MINPP1: variants seen among roughly 807,000 people sequenced by gnomAD.
MINPP1 encodes the protein multiple inositol-polyphosphate phosphatase 1, also known as multiple inositol polyphosphate phosphatase 1.
MINPP1 carries 28 observed loss-of-function variants against 46.1 expected under a neutral mutation model. The observed-to-expected ratio is 0.61, with a 90% CI of 0.45 to 0.83. MINPP1 has a LOEUF of 0.83. Ranked by LOEUF, MINPP1 falls within the 40% of genes least tolerant of loss-of-function variation. The probability of loss-of-function intolerance (pLI) is 0.00; values close to 1 mark genes in which losing one functional copy is unlikely to be tolerated. For synonymous variants in MINPP1, 268 were observed against 249.1 expected (o/e 1.08, Z -0.72); for missense variants, 603 against 610.0 (o/e 0.99, Z 0.12).
At chr10:87,520,056 T>TGTGTGTGTG (rs762881110) in intron 3 of MINPP1, among the ~76,000 whole-genome samples, 7 of 37,796 alleles carry the variant, frequency 1.9e-4, no homozygotes, top group African/African-American at 1.4e-3. Flanking sequence ...ATAAAAGGTA[T>TGTGTGTGTG]AGTGTGTGTG....
In MINPP1 at chr10:87,539,307, T is replaced by C. The variant is rs556087677; in HGVS notation, c.1068-12775T>C. 5.3e-5 allele frequency among the ~76,000 whole-genome samples: 8 copies of C among 152,326 alleles called. No individual in the cohort carries two copies. The East Asian group carries it at 1.5e-3, about 29-fold the overall frequency. ...AGTGGTTTTGTCACTTTTTGGAAAA[T>C]GCAACATTCCAAGTTTAATGCATTT... On this transcript the variant is annotated intron_variant, in intron 4 of 4. Transcript: ENST00000371996.
At chr10:87,513,079 G>T (rs766448915) in intron 2 of MINPP1, 45 bp from the exon 3 acceptor site, 2 of 1,404,060 alleles carry the variant, frequency 1.4e-6, no homozygotes. Context: ...TTGAAAAATT[G>T]CAGAAAATAA....
At chr10:87,524,915 A>G (rs1255429458) in intron 4 of MINPP1, among the ~76,000 whole-genome samples, 1 of 152,180 alleles carries the variant, frequency 6.6e-6, no homozygotes, top group Admixed American at 6.5e-5. Context: ...TAATAATCAT[A>G]GTAATAATTA....
intron 4 of MINPP1, among the ~76,000 whole-genome samples, chr10:87,543,652 C>T (rs1190828575): frequency 6.6e-6 from 1 of 152,084 alleles, no homozygotes; most frequent in Non-Finnish European, 1.5e-5. Context: ...GATTATAAGA[C>T]ATATTAAAAG....
At chr10:87,521,390 TG>T (rs1851499295) in intron 4 of MINPP1, among the ~76,000 whole-genome samples, 2 of 152,214 alleles carry the variant, frequency 1.3e-5, no homozygotes, top group Admixed American at 1.3e-4. Flanking sequence ...AAATTGCATT[TG>T]TTTACTTATG....
In MINPP1 at chr10:87,507,782, A is replaced by G. The variant is rs892590680; in HGVS notation, c.638-554A>G. ...ATCTGGGGCTTCAGTTAAAAGATAA[A>G]CCAATTCACAGGCCCAGCACAGTGA... On this transcript the variant is annotated intron_variant, in intron 1 of 4. Transcript: ENST00000371996. 9.3e-6 allele frequency: 9 copies of G among 971,622 alleles called. No individual in the cohort carries two copies. The African/African-American group carries it at 1.4e-4, about 15-fold the overall frequency. 60.2% of individuals were successfully genotyped at this position (971,622 alleles called of 1,614,324 possible). A position where few individuals can be genotyped will look rare whatever the true frequency, so the allele number is the denominator to read the frequency against.
rs1427799036 is a variant in MINPP1, at chr10:87,505,541, C to T, written c.626C>T (p.Pro209Leu). Residue 209 changes from proline (P) to leucine (L), a missense_variant, in exon 1 of 5, where the codon CCG becomes CTG. Pro to Leu is a moderately conservative substitution (Grantham distance 98). Around this residue, in one of 3 missense-constraint regions of MINPP1, gnomAD observed 344 missense variants for 381.1 expected, o/e 0.90. Coordinates refer to ENST00000371996, the MANE Select transcript of MINPP1 (RefSeq NM_004897.5). The surrounding 1 kb of genome is among the most constrained non-coding windows in gnomAD (Gnocchi z 4.4). Reference protein sequence around the residue: ...WQHYHPGLPPPDVADMEFGPP... With the variant: ...WQHYHPGLPPLDVADMEFGPP... ...CACTACCACCCTGGCTTGCCGCCGC[C>T]GGACGTCGCAGGTGACCCCCCGGGC... 1.2e-6 allele frequency: 2 copies of T among 1,606,582 alleles called. No individual in the cohort carries two copies. Among genetic ancestry groups the T allele is most frequent in the South Asian group, 1.1e-5 (1 of 90,570 alleles).
intron 4 of MINPP1, among the ~76,000 whole-genome samples, chr10:87,544,532 C>T (rs188065637): frequency 7.2e-4 from 110 of 152,282 alleles, no homozygotes; most frequent in Admixed American, 3.6e-3. Context: ...ATGCCTTTGC[C>T]TTTTTGCTGA....
In MINPP1 at chr10:87,546,167, G is replaced by A. The variant is rs181211678; in HGVS notation, c.1068-5915G>A. Among the ~76,000 whole-genome samples the A allele has an allele frequency of 1.4e-3, 218 of 152,290 alleles. 1 individual carries two copies. The highest frequency in any genetic ancestry group is 5.1e-3 in the African/African-American group (211 of 41,554). ...TAATAAATAATAGCATAAATTAATC[G>A]TATGCTAAACAAGGAGTGGATTATT... On this transcript the variant is annotated intron_variant, in intron 4 of 4. Coordinates refer to ENST00000371996, the MANE Select transcript of MINPP1 (RefSeq NM_004897.5).
At chr10:87,551,194 T>TG (rs933423042) in intron 4 of MINPP1, among the ~76,000 whole-genome samples, 17 of 151,970 alleles carry the variant, frequency 1.1e-4, no homozygotes, top group Admixed American at 2.0e-4. Flanking sequence ...TTGTGTGTGT[T>TG]GGGGGCAGAG....
intron 4 of MINPP1, among the ~76,000 whole-genome samples, chr10:87,522,625 T>C (rs1324584035): frequency 6.6e-6 from 1 of 152,210 alleles, no homozygotes; most frequent in East Asian, 1.9e-4. Context: ...TACTAGGAAA[T>C]GCCCATGATC....
At chr10:87,520,539 T>C (rs191386176) in intron 3 of MINPP1, among the ~76,000 whole-genome samples, 1 of 152,166 alleles carries the variant, frequency 6.6e-6, no homozygotes. Context: ...AGTAACTCAT[T>C]TTCTATTTGA....
intron 3 of MINPP1, among the ~76,000 whole-genome samples, chr10:87,518,787 TAAAGGATGTTAC>T (rs1443176284): frequency 6.6e-6 from 1 of 152,190 alleles, no homozygotes; most frequent in East Asian, 1.9e-4. Context: ...TGGTTTATTA[TAAAGGATGTTAC>T]AAAGGATACA....
rs780770929 is a variant in MINPP1 at position 87,508,339 on chromosome 10, T to G, written c.641T>G (p.Met214Arg). 2 of 1,613,098 alleles carry G rather than the reference T, an allele frequency of 1.2e-6. No homozygotes were observed. Among genetic ancestry groups the G allele is most frequent in the Non-Finnish European group, 8.5e-7 (1 of 1,179,588 alleles). The change falls in exon 2 of 5, where the codon ATG becomes AGG. Residue 214 changes from methionine (M) to arginine (R), a missense_variant. Physicochemically the swap from Met to Arg is moderately conservative, Grantham distance 91. Coordinates refer to ENST00000371996, the MANE Select transcript of MINPP1 (RefSeq NM_004897.5). ...TATAAATTTTTTTCTCTTTCAGATA[T>G]GGAGTTTGGACCTCCAACAGTTAAT... ...PGLPPPDVAD[M>R]EFGPPTVNDK...
At position 87,505,849 on chromosome 10, in the gene MINPP1, C is replaced by G. The variant is rs1851240307; in HGVS notation, c.637+297C>G. ...CAACAGGAAAGGGGACAGACGAGGT[C>G]TCCCGCAATTTTTGCGCTCCCGTTC... On this transcript the variant is annotated intron_variant, in intron 1 of 4. Coordinates refer to ENST00000371996, the MANE Select transcript of MINPP1 (RefSeq NM_004897.5). This position sits in a 1 kb window ranked among gnomAD's most constrained non-coding sequence, Gnocchi z 4.4. 6.6e-6 allele frequency among the ~76,000 whole-genome samples: 1 copy of G among 152,162 alleles called. No homozygotes were observed. Among genetic ancestry groups the G allele is most frequent in the Non-Finnish European group, 1.5e-5 (1 of 68,024 alleles).
In MINPP1 at chr10:87,521,182, TA is replaced by T; in HGVS notation, c.1067+19del. On this transcript the variant is annotated intron_variant, in intron 4 of 4. Coordinates refer to ENST00000371996, the MANE Select transcript of MINPP1 (RefSeq NM_004897.5). ...AACAGAAACAAAGGTAAGAACTTTC[TA>T]AAAAATGTGAAGTACATTTTGAGTT... The T allele has an allele frequency of 6.2e-7, 1 of 1,607,522 alleles. No individual in the cohort carries two copies. Among genetic ancestry groups the T allele is most frequent in the Non-Finnish European group, 8.5e-7 (1 of 1,175,918 alleles).
Position 87,508,446 on chromosome 10 carries a change from G to A in MINPP1, c.748G>A (p.Glu250Lys). ...EKNATALYHV[E>K]AFKTGPEMQN... ...AAATGCTACAGCTCTTTATCACGTG[G>A]AAGCCTTCAAAACTGGACCAGAAAT... Residue 250 changes from glutamate to lysine, a missense_variant, in exon 2 of 5, where the codon GAA becomes AAA. Glu to Lys is a moderately conservative substitution (Grantham distance 56). Coordinates refer to ENST00000371996, the MANE Select transcript of MINPP1 (RefSeq NM_004897.5). 1 of 1,613,738 alleles carries A rather than the reference G, an allele frequency of 6.2e-7. No homozygotes were observed.
intron 4 of MINPP1, among the ~76,000 whole-genome samples, chr10:87,549,827 G>A (rs1262961729): frequency 1.3e-5 from 2 of 152,134 alleles, no homozygotes; most frequent in East Asian, 1.9e-4. Flanking sequence ...TGGCTTTGAG[G>A]TTTCTGCCTA....
rs1161344200 is a variant in MINPP1 at position 87,552,239 on chromosome 10, G to A, written c.1225G>A (p.Val409Ile). ...MHRKFRSGLI[V>I]PYASNLIFVL... ...TCGGAAGTTCCGAAGTGGTCTCATT[G>A]TACCTTATGCCTCGAACCTGATATT... The change falls in exon 5 of 5, where the codon GTA becomes ATA. Residue 409 changes from valine (V) to isoleucine (I), a missense_variant. Coordinates refer to ENST00000371996, the MANE Select transcript of MINPP1 (RefSeq NM_004897.5). 6.2e-7 allele frequency: 1 copy of A among 1,613,714 alleles called. No homozygotes were observed. The highest frequency in any genetic ancestry group is 8.5e-7 in the Non-Finnish European group (1 of 1,179,842).
Sources: gnomAD v4.1 joint callset for allele counts (sites outside exome capture counted in the v4.1 genomes callset) on GRCh38, gnomAD v4.1.1 for gene constraint, gnomAD v4.1.1 regional missense constraint, Gnocchi (gnomAD v3.1) non-coding constraint, MANE v1.5 for transcripts, NCBI Gene and HGNC (gene_info 2026-07-23, HGNC 2026-07-21) for gene names.